Variants in APOL6 observed in about 807,000 individuals in gnomAD.
The protein encoded by APOL6 is apolipoprotein L6.
A neutral mutation model predicts 2.4 loss-of-function variants in APOL6; 1 was observed. The ratio of observed to expected loss-of-function variants is 0.41; its 90% CI spans 0.15 to 1.94. The LOEUF is 1.94. Ranked by LOEUF, APOL6 falls within the 30% of genes most tolerant of loss-of-function variation. The pLI, the probability that APOL6 is intolerant of heterozygous loss-of-function variation, is 0.30. For synonymous variants in APOL6, 189 were observed against 169.3 expected, an observed-to-expected ratio of 1.12 and a Z score of -0.90; for missense variants, 438 against 429.2, an observed-to-expected ratio of 1.02 and a Z score of -0.18.
In APOL6 at chr22:35,658,772, AC is replaced by A; in HGVS notation, c.211del (p.His71ThrfsTer20). 4 of 1,614,090 alleles carry A rather than the reference AC, an allele frequency of 2.5e-6. No homozygotes were observed. Among genetic ancestry groups the A allele is most frequent in the Non-Finnish European group, 3.4e-6 (4 of 1,180,008 alleles). ...TGCCCTCGCAGACGATATTGACAAAACCCACAAGAAATTCACCAAGGCTAAC... is the reference window on the plus strand; with the variant it reads ...TGCCCTCGCAGACGATATTGACAAAACCACAAGAAATTCACCAAGGCTAAC... ...LRALADDIDK[T>X]HKKFTKANMV... On this transcript the variant is annotated frameshift_variant, in exon 3 of 3. Transcript: ENST00000409652. LOFTEE classifies it low-confidence loss of function (END_TRUNC).
At position 35,666,041 on chromosome 22, in the gene APOL6, G is replaced by A. The variant is rs1477630650; in HGVS notation, c.*6445G>A. ...TGAAATGGTGTTTGGTTTTCTTTGG[G>A]CTGTATTTGTATAAATATGTTATTG... On this transcript the variant is annotated 3_prime_UTR_variant, in exon 3 of 3. Coordinates refer to ENST00000409652, the MANE Select transcript of APOL6 (RefSeq NM_030641.4). 1 of 152,018 alleles carries A rather than the reference G, an allele frequency of 6.6e-6. No homozygotes were observed. Among genetic ancestry groups the A allele is most frequent in the Non-Finnish European group, 1.5e-5 (1 of 68,014 alleles). 9.4% of individuals were successfully genotyped at this position (152,018 alleles called of 1,614,324 possible).
chr22:35,660,827 C>G lies in APOL6; in HGVS notation c.*1231C>G, dbSNP rs1321793797. The G allele has an allele frequency of 1.3e-5, 2 of 152,232 alleles. No homozygotes were observed. The highest frequency in any genetic ancestry group is 2.9e-5 in the Non-Finnish European group (2 of 68,036). The allele number at this position is 152,232 out of a possible 1,614,324, so 9.4% of individuals were successfully genotyped here. ...GGGCCCTCATGACTCTATCACCTAC[C>G]AAAAGGCTCCACTTCTTTATACTAT... On this transcript the variant is annotated 3_prime_UTR_variant, in exon 3 of 3. Transcript: ENST00000409652.
intron 1 of APOL6, among the ~76,000 whole-genome samples, chr22:35,654,121 C>G (rs1289091559): frequency 2.0e-5 from 3 of 152,228 alleles, no homozygotes; most frequent in Non-Finnish European, 2.9e-5. Flanking sequence ...CATGCCCTCT[C>G]TGGGCACACC....
rs148655812 is a variant in APOL6, at chr22:35,658,950, C to G, written c.386C>G (p.Thr129Arg). 1.2e-6 allele frequency: 2 copies of G among 1,613,860 alleles called. No homozygotes were observed. The highest frequency in any genetic ancestry group is 1.7e-5 in the Admixed American group (1 of 60,016). The change falls in exon 3 of 3, where the codon ACG becomes AGG. Residue 129 changes from threonine (T) to arginine (R), a missense_variant. By Grantham distance (71) the Thr-to-Arg change is moderately conservative (BLOSUM62 -1). Coordinates refer to ENST00000409652, the MANE Select transcript of APOL6 (RefSeq NM_030641.4). ...GGGGTCACCAGCATCGTGAGTGGTA[C>G]GTTGGAACGCTCCAAAAATAAAGAA... ...AAGVTSIVSG[T>R]LERSKNKEAQ...
rs778468971 is a variant in APOL6, at chr22:35,648,584, C to G, written c.-87C>G. 6.6e-6 allele frequency: 1 copy of G among 152,248 alleles called. No homozygotes were observed. Among genetic ancestry groups the G allele is most frequent in the African/African-American group, 2.4e-5 (1 of 41,420 alleles). 9.4% of individuals were successfully genotyped at this position (152,248 alleles called of 1,614,324 possible). The stretch of plus-strand genomic sequence containing the variant: ...AGAGGTTCAGGATCTTCCTCTCCCT[C>G]GGGACCCAAGGCCACAAAGGAGAGC... On this transcript the variant is annotated 5_prime_UTR_variant, in exon 1 of 3. Coordinates refer to ENST00000409652, the MANE Select transcript of APOL6 (RefSeq NM_030641.4).
rs985944402 is a variant in APOL6, at chr22:35,666,884, T to C, written c.*7288T>C. 2.6e-5 allele frequency: 4 copies of C among 152,254 alleles called. No homozygotes were observed. The highest frequency in any genetic ancestry group is 9.6e-5 in the African/African-American group (4 of 41,476). The allele number at this position is 152,254 out of a possible 1,614,324, so 9.4% of individuals were successfully genotyped here. ...TTTAGTATACTCCTATGACAAAATT[T>C]GGAGCATATTTGTTTCTCTCTACCT... On this transcript the variant is annotated 3_prime_UTR_variant, in exon 3 of 3. Coordinates refer to ENST00000409652, the MANE Select transcript of APOL6 (RefSeq NM_030641.4).
intron 1 of APOL6, among the ~76,000 whole-genome samples, chr22:35,655,106 T>C (rs1353006610): frequency 6.6e-6 from 1 of 152,240 alleles, no homozygotes; most frequent in African/African-American, 2.4e-5. Context: ...TAAAATTGTA[T>C]AGTTCTTTGT....
Position 35,661,995 on chromosome 22 carries a change from G to A in APOL6, c.*2399G>A, listed in dbSNP as rs909107012. 3 of 152,122 alleles carry A rather than the reference G, an allele frequency of 2.0e-5. No individual in the cohort carries two copies. In the East Asian group the frequency reaches 5.8e-4, roughly 29 times the overall value. The allele number at this position is 152,122 out of a possible 1,614,324, so 9.4% of individuals were successfully genotyped here. A position where few individuals can be genotyped will look rare whatever the true frequency, so the allele number is the denominator to read the frequency against. ...AAGAATAAGCAAAAAGTCTATCTAG[G>A]TGTGCTGTCTTGAGCAACTTTTAAT... On this transcript the variant is annotated 3_prime_UTR_variant, in exon 3 of 3. Transcript: ENST00000409652.
rs190632418 is a variant in APOL6, at chr22:35,665,079, T to C, written c.*5483T>C. On this transcript the variant is annotated 3_prime_UTR_variant, in exon 3 of 3. Coordinates refer to ENST00000409652, the MANE Select transcript of APOL6 (RefSeq NM_030641.4). ...TCCAAGCATGTCATGAACATTGGTG[T>C]AAGTCATGATAAGATTTTATATATA... 256 of 151,824 alleles carry C rather than the reference T, an allele frequency of 1.7e-3. 2 individuals are homozygous for C. Among genetic ancestry groups the C allele is most frequent in the African/African-American group, 6.0e-3 (247 of 41,376 alleles). The allele number at this position is 151,824 out of a possible 1,614,324, so 9.4% of individuals were successfully genotyped here. A position where few individuals can be genotyped will look rare whatever the true frequency, so the allele number is the denominator to read the frequency against.
chr22:35,653,416 A>C (rs1924752384), intron 1 of APOL6, among the ~76,000 whole-genome samples: 1 of 152,194 alleles, frequency 6.6e-6, no homozygotes, highest in Non-Finnish European at 1.5e-5. Context: ...TTGCCCTGGC[A>C]AGAACTTCCA....
rs1925029396 is a variant in APOL6 at position 35,661,566 on chromosome 22, C to T, written c.*1970C>T. On this transcript the variant is annotated 3_prime_UTR_variant, in exon 3 of 3. Coordinates refer to ENST00000409652, the MANE Select transcript of APOL6 (RefSeq NM_030641.4). ...GCTCCCAGGCTACGCACCTGTACAG[C>T]ATGTGACTACTGAATACTATAGGCA... The T allele has an allele frequency of 6.6e-6, 1 of 152,070 alleles. No homozygotes were observed. The highest frequency in any genetic ancestry group is 1.5e-5 in the Non-Finnish European group (1 of 68,016). The allele number at this position is 152,070 out of a possible 1,614,324, so 9.4% of individuals were successfully genotyped here. A position where few individuals can be genotyped will look rare whatever the true frequency, so the allele number is the denominator to read the frequency against.
Position 35,659,768 on chromosome 22 carries a change from T to A in APOL6, c.*172T>A. 9.1e-7 allele frequency: 1 copy of A among 1,099,438 alleles called. No individual in the cohort carries two copies. Among genetic ancestry groups the A allele is most frequent in the Non-Finnish European group, 1.3e-6 (1 of 792,494 alleles). The allele number at this position is 1,099,438 out of a possible 1,614,324, so 68.1% of individuals were successfully genotyped here. ...AGGGTCTTCCCTGTTTGTTTGTTTG[T>A]TTGTTTGTTTGTTTGTTTTGAGACA... On this transcript the variant is annotated 3_prime_UTR_variant, in exon 3 of 3. Coordinates refer to ENST00000409652, the MANE Select transcript of APOL6 (RefSeq NM_030641.4).
chr22:35,653,214 G>A (rs1213929408), intron 1 of APOL6, among the ~76,000 whole-genome samples: 3 of 151,960 alleles, frequency 2.0e-5, no homozygotes, highest in African/African-American at 4.8e-5. Context: ...TTATTGGTGT[G>A]TAAGAATGCT....
chr22:35,650,590 A>C (rs957459677), intron 1 of APOL6, among the ~76,000 whole-genome samples: 1 of 150,876 alleles, frequency 6.6e-6, no homozygotes, highest in African/African-American at 2.5e-5. Flanking sequence ...ATTCATGGCT[A>C]TAAGTGAATG....
intron 2 of APOL6, 94 bp downstream of exon 2, chr22:35,656,569 A>G (rs1467393925): frequency 6.8e-7 from 1 of 1,462,814 alleles, no homozygotes; most frequent in Non-Finnish European, 9.6e-7. Flanking sequence ...CTCTGATAGG[A>G]TTAGCTGTTA....
Position 35,656,416 on chromosome 22 carries a change from A to G in APOL6, c.-10A>G. 1 of 1,614,116 alleles carries G rather than the reference A, an allele frequency of 6.2e-7. No homozygotes were observed. Among genetic ancestry groups the G allele is most frequent in the Non-Finnish European group, 8.5e-7 (1 of 1,179,974 alleles). ...CTCCTGGGGACACAGATTTGCTGCC[A>G]CAGAGGCTGATGGACAACCAGGCGG... On this transcript the variant is annotated 5_prime_UTR_variant, in exon 2 of 3. Transcript: ENST00000409652.
chr22:35,653,248 G>A (rs1043633248), intron 1 of APOL6, among the ~76,000 whole-genome samples: 1 of 152,176 alleles, frequency 6.6e-6, no homozygotes, highest in Non-Finnish European at 1.5e-5. Flanking sequence ...CATTGATTTT[G>A]TATCCCGAGA....
At chr22:35,658,331 A>G (rs1924902862) in intron 2 of APOL6, among the ~76,000 whole-genome samples, 1 of 152,226 alleles carries the variant, frequency 6.6e-6, no homozygotes, top group Non-Finnish European at 1.5e-5. Context: ...AACAAGGCTG[A>G]AAACATACCT....
At position 35,660,694 on chromosome 22, in the gene APOL6, C is replaced by T. The variant is rs1924999578; in HGVS notation, c.*1098C>T. The T allele has an allele frequency of 1.3e-5, 2 of 152,568 alleles. No individual in the cohort carries two copies. The highest frequency in any genetic ancestry group is 2.4e-5 in the African/African-American group (1 of 41,466). The allele number at this position is 152,568 out of a possible 1,614,324, so 9.5% of individuals were successfully genotyped here. A position where few individuals can be genotyped will look rare whatever the true frequency, so the allele number is the denominator to read the frequency against. On this transcript the variant is annotated 3_prime_UTR_variant, in exon 3 of 3. Coordinates refer to ENST00000409652, the MANE Select transcript of APOL6 (RefSeq NM_030641.4). ...ATTCCACATCTCGTGAAGGCTCACTCTCTGCTTCACAGATGGCACTGTCTT... is the reference window on the plus strand; with the variant it reads ...ATTCCACATCTCGTGAAGGCTCACTTTCTGCTTCACAGATGGCACTGTCTT...
Sources: gnomAD v4.1 joint callset for allele counts (sites outside exome capture counted in the v4.1 genomes callset) on GRCh38, gnomAD v4.1.1 for gene constraint, MANE v1.5 for transcripts, NCBI Gene and HGNC (gene_info 2026-07-23, HGNC 2026-07-21) for gene names.